COP1: variants seen among roughly 807,000 people sequenced by gnomAD.
The protein encoded by COP1 is COP1 E3 ubiquitin ligase.
A neutral mutation model predicts 101.3 loss-of-function variants in COP1; 24 were observed. The observed-to-expected ratio is 0.24, with a 90% CI of 0.17 to 0.33. The LOEUF (loss-of-function observed/expected upper bound fraction) is 0.33. COP1 is among the 10% of genes least tolerant of loss of function. The pLI is 1.00. For missense variants in COP1, 663 were observed against 906.2 expected (o/e 0.73, Z 3.45); for synonymous variants, 347 against 341.9 (o/e 1.01, Z -0.17).
chr1:176,098,793 A>ATATT (rs1238509990), intron 9 of COP1, among the ~76,000 whole-genome samples: 1 of 152,210 alleles, frequency 6.6e-6, no homozygotes, highest in African/African-American at 2.4e-5. Flanking sequence ...AACCTCTAAC[A>ATATT]TATTTAACAG....
chr1:176,136,321 G>C (rs59850388), intron 7 of COP1, among the ~76,000 whole-genome samples, 167 bp downstream of exon 7: 11 of 151,902 alleles, frequency 7.2e-5, no homozygotes, highest in African/African-American at 2.7e-4. Context: ...CAAGTGTTCA[G>C]AATGTTTTTT....
At chr1:176,141,245 TA>T (rs1284924502) in intron 6 of COP1, among the ~76,000 whole-genome samples, 14 of 152,332 alleles carry the variant, frequency 9.2e-5, no homozygotes, top group African/African-American at 3.4e-4. Flanking sequence ...CTCACGCCTG[TA>T]AGCCCAACAC....
intron 8 of COP1, among the ~76,000 whole-genome samples, chr1:176,125,041 C>A (rs1687785853): frequency 6.6e-6 from 1 of 152,162 alleles, no homozygotes; most frequent in Non-Finnish European, 1.5e-5. Context: ...TCCATATACA[C>A]TGGTTTGCCA....
chr1:175,947,146 G>A (rs779433980), intron 19 of COP1, 49 bp downstream of exon 19: 2 of 1,249,962 alleles, frequency 1.6e-6, no homozygotes, highest in Non-Finnish European at 2.4e-6. Flanking sequence ...TCCTGTTTCA[G>A]TCTAAAAATG....
chr1:176,162,846 T>G (rs772619404), intron 5 of COP1, 23 bp downstream of exon 5: 24 of 1,562,190 alleles, frequency 1.5e-5, no homozygotes, highest in African/African-American at 2.8e-5. Flanking sequence ...TTAAAATTTT[T>G]TTTAAGTTTA....
At position 176,016,944 on chromosome 1, in the gene COP1, A is replaced by T. The variant is rs530865752; in HGVS notation, c.1729+10628T>A. Among the ~76,000 whole-genome samples the T allele has an allele frequency of 1.9e-4, 29 of 152,354 alleles. 1 individual carries two copies. The highest frequency in any genetic ancestry group is 6.7e-4 in the African/African-American group (28 of 41,592). ...AACATCTTAAGTGTTGAAGCTAATCAAAAGTATGCACTAACTCTTTATTTC... is the reference window on the plus strand; with the variant it reads ...AACATCTTAAGTGTTGAAGCTAATCTAAAGTATGCACTAACTCTTTATTTC... On this transcript the variant is annotated intron_variant, in intron 15 of 19. Transcript: ENST00000367669.
At chr1:176,094,870 T>C (rs1387546124) in intron 9 of COP1, among the ~76,000 whole-genome samples, 1 of 152,116 alleles carries the variant, frequency 6.6e-6, no homozygotes, top group Non-Finnish European at 1.5e-5. Flanking sequence ...CAAGCAAAAC[T>C]GAATATTCTA....
At position 175,962,092 on chromosome 1, in the gene COP1, C is replaced by T. The variant is rs79355946; in HGVS notation, c.2134-14853G>A. On this transcript the variant is annotated intron_variant, in intron 18 of 19. Coordinates refer to ENST00000367669, the MANE Select transcript of COP1 (RefSeq NM_022457.7). ...ATGGATAACAAAAGTCAGTGACTGC[C>T]TTTATGCAAAAAATAGATAGGAGCA... Among the ~76,000 whole-genome samples, 3 of 151,680 alleles carry T rather than the reference C, an allele frequency of 2.0e-5. No individual in the cohort carries two copies. The East Asian group carries it at 5.8e-4, about 29-fold the overall frequency.
chr1:176,044,295 T>G (rs977557975), intron 12 of COP1, among the ~76,000 whole-genome samples: 1 of 152,256 alleles, frequency 6.6e-6, no homozygotes, highest in African/African-American at 2.4e-5. Context: ...TTATAACTTA[T>G]GACTAAAATT....
intron 5 of COP1, 123 bp from the exon 6 acceptor site, chr1:176,149,197 C>G: frequency 4.3e-6 from 2 of 468,744 alleles, no homozygotes; most frequent in Non-Finnish European, 7.5e-6. Context: ...TCTATTATTT[C>G]TATTTAATCA....
At chr1:176,131,407 A>G (rs1164093228) in intron 8 of COP1, among the ~76,000 whole-genome samples, 1 of 151,808 alleles carries the variant, frequency 6.6e-6, no homozygotes, top group East Asian at 1.9e-4. Flanking sequence ...AGAGAATACC[A>G]TTATCTGGCT....
intron 18 of COP1, among the ~76,000 whole-genome samples, chr1:175,953,115 G>A (rs543234789): frequency 6.6e-6 from 1 of 151,942 alleles, no homozygotes; most frequent in African/African-American, 2.4e-5. Context: ...AATAAAAGGG[G>A]AGAATAGAAG....
At chr1:175,984,981 G>A (rs547809020) in intron 18 of COP1, among the ~76,000 whole-genome samples, 5 of 152,266 alleles carry the variant, frequency 3.3e-5, no homozygotes, top group African/African-American at 1.2e-4. Flanking sequence ...AAGGGACTTG[G>A]CTTATCTCAG....
chr1:176,103,270 A>G (rs1454098735), intron 9 of COP1, among the ~76,000 whole-genome samples: 11 of 152,218 alleles, frequency 7.2e-5, no homozygotes, highest in Non-Finnish European at 2.9e-5. Context: ...GACACCCACA[A>G]AGCCTTAGGA....
chr1:176,171,032 G>A (rs1695967223), intron 3 of COP1, among the ~76,000 whole-genome samples: 1 of 147,816 alleles, frequency 6.8e-6, no homozygotes, highest in South Asian at 2.1e-4. Context: ...GGCTGAGGCA[G>A]GAGAATGGCA....
At chr1:176,174,291 A>G (rs1404878103) in intron 3 of COP1, among the ~76,000 whole-genome samples, 1 of 152,188 alleles carries the variant, frequency 6.6e-6, no homozygotes, top group East Asian at 1.9e-4. Flanking sequence ...TAGATTCCAC[A>G]GGGCAGCATC....
At chr1:176,201,608 C>T (rs550082208) in intron 1 of COP1, among the ~76,000 whole-genome samples, 1 of 152,244 alleles carries the variant, frequency 6.6e-6, no homozygotes, top group African/African-American at 2.4e-5. Context: ...GCACAAGTAC[C>T]TTCTTCTCAA....
intron 11 of COP1, among the ~76,000 whole-genome samples, chr1:176,075,059 T>C (rs1055100441): frequency 2.0e-5 from 3 of 152,186 alleles, no homozygotes; most frequent in African/African-American, 7.2e-5. Context: ...AATAAGATTG[T>C]GAGCTCTCCT....
At chr1:176,052,215 A>G (rs1303360699) in intron 11 of COP1, among the ~76,000 whole-genome samples, 1 of 152,202 alleles carries the variant, frequency 6.6e-6, no homozygotes, top group African/African-American at 2.4e-5. Context: ...TACAGCATTC[A>G]GTACAGTAAC....
Sources: allele counts gnomAD v4.1 joint callset (sites outside exome capture counted in the v4.1 genomes callset), GRCh38; gene constraint gnomAD v4.1.1; transcripts MANE v1.5; gene names NCBI Gene and HGNC (gene_info 2026-07-23, HGNC 2026-07-21).